GORASP2: variants seen among roughly 807,000 people sequenced by gnomAD.
GORASP2 encodes the protein Golgi reassembly-stacking protein 2.
Under a neutral mutation model 45.7 loss-of-function variants are expected in GORASP2, and 22 were observed. The ratio of observed to expected loss-of-function variants is 0.48; its 90% CI spans 0.34 to 0.69. The LOEUF is 0.69. GORASP2 is among the 30% of genes least tolerant of loss of function. The pLI, the probability that GORASP2 is intolerant of heterozygous loss-of-function variation, is 0.01. For missense variants in GORASP2, 491 were observed against 562.7 expected (o/e 0.87, Z 1.29); for synonymous variants, 221 against 215.6 (o/e 1.02, Z -0.22).
At position 170,953,259 on chromosome 2, in the gene GORASP2, G is replaced by A. The variant is rs192731085; in HGVS notation, c.567-1391G>A. ...TAGTCCCAGCTACTCAGGAGGCTCA[G>A]GCGGGAGGATTGCTTGAGCCCAGGA... is the stretch of plus-strand genomic sequence containing the variant. On this transcript the variant is annotated intron_variant, in intron 5 of 9. Transcript: ENST00000234160. Among the ~76,000 whole-genome samples, 257 of 152,218 alleles carry A rather than the reference G, an allele frequency of 1.7e-3. 2 individuals carry two copies. Among genetic ancestry groups the A allele is most frequent in the Admixed American group, 0.013 (200 of 15,280 alleles).
At position 170,966,090 on chromosome 2, in the gene GORASP2, T is replaced by C. The variant is rs139757093; in HGVS notation, c.1319T>C (p.Val440Ala). 6 of 1,613,994 alleles carry C rather than the reference T, an allele frequency of 3.7e-6. No individual in the cohort carries two copies. The African/African-American group carries it at 8.0e-5, about 22-fold the overall frequency. The change falls in exon 10 of 10, where the codon GTT becomes GCT. Residue 440 changes from valine (V) to alanine (A), a missense_variant. Around this residue, in one of 2 missense-constraint regions of GORASP2, gnomAD observed 297 missense variants for 292.3 expected, o/e 1.02. Transcript: ENST00000234160. ...TCCACCCCAGTCAGCGAGAAGCCTGTTTCTGCGGCTGTGGATGCCAATGCT... is the reference window on the plus strand; with the variant it reads ...TCCACCCCAGTCAGCGAGAAGCCTGCTTCTGCGGCTGTGGATGCCAATGCT... ...GDSTPVSEKPVSAAVDANASE... is the reference protein window; with the variant it reads ...GDSTPVSEKPASAAVDANASE...
intron 1 of GORASP2, among the ~76,000 whole-genome samples, chr2:170,938,932 G>A (rs1704014681): frequency 6.6e-6 from 1 of 152,150 alleles, no homozygotes; most frequent in Non-Finnish European, 1.5e-5. Context: ...GGCGGAGGTT[G>A]CTGTGAGCTG....
At chr2:170,963,980 A>T (rs6719392) in intron 9 of GORASP2, among the ~76,000 whole-genome samples, 22,234 of 152,256 alleles carry the variant, frequency 0.15, 1,947 homozygotes, top group East Asian at 0.23. Context: ...ATACATATAA[A>T]AAAACAAACG....
At position 170,966,745 on chromosome 2, in the gene GORASP2, G is replaced by A. The variant is rs1256357715; in HGVS notation, c.*615G>A. On this transcript the variant is annotated 3_prime_UTR_variant, in exon 10 of 10. Transcript: ENST00000234160. ...TGTTTTGAGCTCTCAGAATCACTCA[G>A]ACAACATTTTGTAACTGCTGCTGTT... The A allele has an allele frequency of 1.3e-5, 2 of 154,162 alleles. No homozygotes were observed. Among genetic ancestry groups the A allele is most frequent in the Non-Finnish European group, 2.9e-5 (2 of 69,158 alleles). The allele number at this position is 154,162 out of a possible 1,614,324, so 9.5% of individuals were successfully genotyped here. A position where few individuals can be genotyped will look rare whatever the true frequency, so the allele number is the denominator to read the frequency against.
At chr2:170,939,837 C>T (rs1279041194) in intron 1 of GORASP2, among the ~76,000 whole-genome samples, 1 of 152,166 alleles carries the variant, frequency 6.6e-6, no homozygotes, top group Non-Finnish European at 1.5e-5. Context: ...ATATCACATT[C>T]CCAGATCTTT....
chr2:170,935,562 C>T (rs1006399210), intron 1 of GORASP2, among the ~76,000 whole-genome samples: 3 of 151,196 alleles, frequency 2.0e-5, no homozygotes, highest in Non-Finnish European at 4.4e-5. Context: ...GCACCCCCAA[C>T]GCCCCACCTC....
intron 1 of GORASP2, among the ~76,000 whole-genome samples, chr2:170,939,966 A>T (rs1305371985): frequency 6.6e-6 from 1 of 151,100 alleles, no homozygotes; most frequent in Non-Finnish European, 1.5e-5. Flanking sequence ...CTTGTTTAAC[A>T]TCTCCACTGT....
rs912438249 is a variant in GORASP2 at position 170,967,009 on chromosome 2, C to T, written c.*879C>T. On this transcript the variant is annotated 3_prime_UTR_variant, in exon 10 of 10. Transcript: ENST00000234160. ...TATGTCTTATTACTCTCCAGTATGT[C>T]ACGCATCTTTAACTTTTCACGTCCT... 1.3e-5 allele frequency: 2 copies of T among 152,162 alleles called. No individual in the cohort carries two copies. The highest frequency in any genetic ancestry group is 2.4e-5 in the African/African-American group (1 of 41,424). The allele number at this position is 152,162 out of a possible 1,614,324, so 9.4% of individuals were successfully genotyped here.
chr2:170,929,707 G>A (rs1330588098), intron 1 of GORASP2: 2 of 602,830 alleles, frequency 3.3e-6, no homozygotes, highest in Non-Finnish European at 6.4e-6. Flanking sequence ...TTTCCGCACG[G>A]CCTTCTCTCT....
intron 9 of GORASP2, among the ~76,000 whole-genome samples, chr2:170,963,426 GCTGCTA>G (rs201813538): frequency 0.023 from 3,169 of 138,512 alleles, 57 homozygotes; most frequent in African/African-American, 0.053. Context: ...CTCAGTCCCC[GCTGCTA>G]CTGCTGCTGC....
chr2:170,932,000 C>T (rs1043661661), intron 1 of GORASP2, among the ~76,000 whole-genome samples: 1 of 152,276 alleles, frequency 6.6e-6, no homozygotes, highest in Middle Eastern at 3.4e-3. Context: ...CCGAGGTGGG[C>T]GGATCACCTG....
At chr2:170,938,763 C>G (rs1204254639) in intron 1 of GORASP2, among the ~76,000 whole-genome samples, 1 of 152,076 alleles carries the variant, frequency 6.6e-6, no homozygotes, top group African/African-American at 2.4e-5. Flanking sequence ...GAGGCCGAGG[C>G]GGTGATCACC....
chr2:170,946,517 T>C (rs1194569041), intron 1 of GORASP2, among the ~76,000 whole-genome samples: 1 of 152,186 alleles, frequency 6.6e-6, no homozygotes, highest in Non-Finnish European at 1.5e-5. Context: ...AGAAGCTAAG[T>C]AATCTTTTTT....
intron 1 of GORASP2, among the ~76,000 whole-genome samples, chr2:170,946,037 G>A (rs377268607): frequency 6.6e-5 from 10 of 151,922 alleles, no homozygotes; most frequent in African/African-American, 2.4e-4. Flanking sequence ...TTTGAGACAG[G>A]GTCTCGCCCT....
At chr2:170,929,631 G>C (rs1703766490) in intron 1 of GORASP2, 1 of 612,332 alleles carries the variant, frequency 1.6e-6, no homozygotes. Flanking sequence ...ACGGGCTGGA[G>C]CTGGAGGCGG....
chr2:170,931,781 G>A (rs1026698554), intron 1 of GORASP2, among the ~76,000 whole-genome samples: 1 of 152,158 alleles, frequency 6.6e-6, no homozygotes, highest in Non-Finnish European at 1.5e-5. Context: ...GTTCTGCTAT[G>A]AGCAGTGTAG....
At chr2:170,933,464 A>G (rs1703874302) in intron 1 of GORASP2, among the ~76,000 whole-genome samples, 1 of 152,196 alleles carries the variant, frequency 6.6e-6, no homozygotes, top group Admixed American at 6.5e-5. Context: ...GAAATTGTTA[A>G]ACAAATCAGG....
At chr2:170,934,702 G>C (rs1703905752) in intron 1 of GORASP2, among the ~76,000 whole-genome samples, 1 of 152,000 alleles carries the variant, frequency 6.6e-6, no homozygotes, top group African/African-American at 2.4e-5. Flanking sequence ...GTCTGACCCT[G>C]CCCCCAGAAT....
intron 9 of GORASP2, among the ~76,000 whole-genome samples, chr2:170,965,068 G>A (rs977317609): frequency 4.6e-5 from 7 of 151,362 alleles, no homozygotes; most frequent in East Asian, 1.9e-4. Flanking sequence ...GTGCCACCAC[G>A]CCCGGCTAAT....
Sources: gnomAD v4.1 joint callset for allele counts (sites outside exome capture counted in the v4.1 genomes callset) on GRCh38, gnomAD v4.1.1 for gene constraint, gnomAD v4.1.1 regional missense constraint, MANE v1.5 for transcripts, NCBI Gene and HGNC (gene_info 2026-07-23, HGNC 2026-07-21) for gene names.